The following ATXN1 variants were observed in gnomAD, a reference collection of about 807,000 sequenced individuals.
ATXN1 encodes the protein ataxin-1.
A neutral mutation model predicts 56.4 loss-of-function variants in ATXN1; 8 were observed. The observed-to-expected ratio is 0.14, with a 90% CI of 0.08 to 0.26. ATXN1 has a LOEUF of 0.26. ATXN1 is among the 10% of genes least tolerant of loss of function. ATXN1 has a pLI of 1.00. For synonymous variants in ATXN1, 514 were observed against 494.6 expected, an observed-to-expected ratio of 1.04 and a Z score of -0.52; for missense variants, 987 against 1,106.5, an observed-to-expected ratio of 0.89 and a Z score of 1.53.
chr6:16,561,551 ATAT>A (rs1333057844), intron 4 of ATXN1, among the ~76,000 whole-genome samples: 1 of 152,232 alleles, frequency 6.6e-6, no homozygotes, highest in Admixed American at 6.5e-5. Flanking sequence ...TAAATTCTCA[ATAT>A]ACTGTCTCAT....
At chr6:16,721,286 CATT>C (rs763852551) in intron 2 of ATXN1, among the ~76,000 whole-genome samples, 30 of 152,188 alleles carry the variant, frequency 2.0e-4, no homozygotes, top group Non-Finnish European at 3.1e-4. Flanking sequence ...AACCCTGAAA[CATT>C]ATTCCTTTTC....
At chr6:16,388,292 T>A (rs1396705415) in intron 6 of ATXN1, among the ~76,000 whole-genome samples, 1 of 152,232 alleles carries the variant, frequency 6.6e-6, no homozygotes, top group Non-Finnish European at 1.5e-5. Context: ...TGTATCTATC[T>A]CACTGCCTTC....
At position 16,378,838 on chromosome 6, in the gene ATXN1, G is replaced by A. The variant is rs137927783; in HGVS notation, c.-160-50368C>T. Among the ~76,000 whole-genome samples, 336 of 152,232 alleles carry A rather than the reference G, an allele frequency of 2.2e-3. 1 individual carries two copies. Among genetic ancestry groups the A allele is most frequent in the Non-Finnish European group, 4.0e-3 (270 of 68,018 alleles). On this transcript the variant is annotated intron_variant, in intron 6 of 7. Transcript: ENST00000436367. ...GCTTCCCAAAATGCTGGGAGTATAG[G>A]CATGAGCACAGTGCCCAGACCTCCT...
chr6:16,636,384 TC>T (rs1763597745), intron 3 of ATXN1, among the ~76,000 whole-genome samples: 1 of 152,172 alleles, frequency 6.6e-6, no homozygotes, highest in Non-Finnish European at 1.5e-5. Context: ...TACTTGTTTC[TC>T]CCCCAGCCCC....
chr6:16,365,385 C>G (rs899325724), intron 6 of ATXN1, among the ~76,000 whole-genome samples: 1 of 152,082 alleles, frequency 6.6e-6, no homozygotes, highest in Non-Finnish European at 1.5e-5. Context: ...ACCATGTTGG[C>G]CAGGCTGGTC....
rs181687627 is a variant in ATXN1 at position 16,726,034 on chromosome 6, A to G, written c.-615+27199T>C. ...GGCCATAATATAGAACTCAATCACC[A>G]TATTAAGATGAAGCCCTAGAAAGTA... On this transcript the variant is annotated intron_variant, in intron 2 of 7. Transcript: ENST00000436367. Among the ~76,000 whole-genome samples, 9 of 152,280 alleles carry G rather than the reference A, an allele frequency of 5.9e-5. 1 individual carries two copies. The East Asian group carries it at 1.7e-3, about 29-fold the overall frequency.
At chr6:16,625,446 C>T (rs757489028) in intron 3 of ATXN1, among the ~76,000 whole-genome samples, 7 of 152,254 alleles carry the variant, frequency 4.6e-5, no homozygotes, top group East Asian at 1.9e-4. Context: ...ATTTACAAGG[C>T]GCTGAGTTAG....
chr6:16,663,973 A>C (rs899577293), intron 2 of ATXN1, among the ~76,000 whole-genome samples: 3 of 152,220 alleles, frequency 2.0e-5, no homozygotes, highest in Admixed American at 6.5e-5. Flanking sequence ...GCCATTTCTA[A>C]ATCTTTCTGT....
intron 6 of ATXN1, among the ~76,000 whole-genome samples, chr6:16,352,139 T>C (rs952717106): frequency 2.0e-5 from 3 of 152,202 alleles, no homozygotes; most frequent in Non-Finnish European, 4.4e-5. Flanking sequence ...GCGAATAATA[T>C]AGTTTGCTTC....
chr6:16,715,082 A>T (rs1759611054), intron 2 of ATXN1, among the ~76,000 whole-genome samples: 1 of 151,592 alleles, frequency 6.6e-6, no homozygotes, highest in Non-Finnish European at 1.5e-5. Flanking sequence ...ATTATTTCTC[A>T]CTTGGATAAC....
intron 2 of ATXN1, among the ~76,000 whole-genome samples, chr6:16,747,056 T>C (rs1760558586): frequency 6.6e-6 from 1 of 152,200 alleles, no homozygotes; most frequent in Admixed American, 6.5e-5. Context: ...ATACTCACTC[T>C]GTAGGGTCCT....
intron 4 of ATXN1, among the ~76,000 whole-genome samples, chr6:16,561,793 A>G (rs767675086): frequency 2.4e-4 from 36 of 152,266 alleles, no homozygotes; most frequent in Admixed American, 5.2e-4. Flanking sequence ...CCAGAGATGC[A>G]ACAGAAGCAG....
rs574913771 is a variant in ATXN1 at position 16,709,976 on chromosome 6, T to C, written c.-615+43257A>G. Among the ~76,000 whole-genome samples, 3 of 152,110 alleles carry C rather than the reference T, an allele frequency of 2.0e-5. No homozygotes were observed. In the East Asian group the frequency reaches 5.8e-4, roughly 29 times the overall value. ...TATGACATCTCAACAGAGGCAAAAA[T>C]GAACTGCACAAAATTCAACACACAT... On this transcript the variant is annotated intron_variant, in intron 2 of 7. Coordinates refer to ENST00000436367, the MANE Select transcript of ATXN1 (RefSeq NM_001128164.2).
At chr6:16,681,451 C>T (rs1008378541) in intron 2 of ATXN1, among the ~76,000 whole-genome samples, 8 of 152,176 alleles carry the variant, frequency 5.3e-5, no homozygotes, top group Admixed American at 2.0e-4. Context: ...AAGTGTAACA[C>T]GAACATTAAG....
At chr6:16,607,891 T>C (rs918071140) in intron 3 of ATXN1, among the ~76,000 whole-genome samples, 2 of 152,210 alleles carry the variant, frequency 1.3e-5, no homozygotes, top group Non-Finnish European at 2.9e-5. Flanking sequence ...GCTTGGTCTA[T>C]AGACAAAGGC....
At chr6:16,428,561 T>A (rs1194842205) in intron 6 of ATXN1, among the ~76,000 whole-genome samples, 3 of 152,110 alleles carry the variant, frequency 2.0e-5, no homozygotes, top group African/African-American at 7.2e-5. Flanking sequence ...AGCTTGACAT[T>A]CATTTAATTA....
intron 6 of ATXN1, among the ~76,000 whole-genome samples, chr6:16,458,153 A>C (rs1157033516): frequency 6.6e-6 from 1 of 152,226 alleles, no homozygotes; most frequent in Non-Finnish European, 1.5e-5. Flanking sequence ...AAATGACAAA[A>C]TGACAGCCGA....
At chr6:16,559,715 T>G (rs1294378988) in intron 4 of ATXN1, among the ~76,000 whole-genome samples, 1 of 152,176 alleles carries the variant, frequency 6.6e-6, no homozygotes, top group African/African-American at 2.4e-5. Context: ...TATCGTACCT[T>G]CTGTATATCT....
intron 5 of ATXN1, among the ~76,000 whole-genome samples, chr6:16,518,527 A>T (rs1390990690): frequency 6.6e-6 from 1 of 152,092 alleles, no homozygotes. Context: ...GCCCTCAGTC[A>T]CATAGTTGCA....
Sources: allele counts gnomAD v4.1 joint callset (sites outside exome capture counted in the v4.1 genomes callset), GRCh38; gene constraint gnomAD v4.1.1; transcripts MANE v1.5; gene names NCBI Gene and HGNC (gene_info 2026-07-23, HGNC 2026-07-21).